Variants in IFRD1 observed in about 807,000 individuals in gnomAD.
The protein encoded by IFRD1 is interferon-related developmental regulator 1.
Under a neutral mutation model 52.9 loss-of-function variants are expected in IFRD1, and 35 were observed. That is an observed-to-expected ratio of 0.66 (90% CI 0.51 to 0.88). The LOEUF (loss-of-function observed/expected upper bound fraction) is 0.88, where lower values mean the gene tolerates loss of function less well. Ranked by LOEUF, IFRD1 falls within the 40% of genes least tolerant of loss-of-function variation. The pLI, the probability that IFRD1 is intolerant of heterozygous loss-of-function variation, is 0.00. For missense variants in IFRD1, 517 were observed against 550.8 expected (o/e 0.94, Z 0.61); for synonymous variants, 184 against 188.4 (o/e 0.98, Z 0.19).
chr7:112,453,077 G>A (rs1375800855), intron 1 of IFRD1, among the ~76,000 whole-genome samples: 2 of 152,176 alleles, frequency 1.3e-5, no homozygotes, highest in East Asian at 1.9e-4. Context: ...TACTTAACAA[G>A]CCACTTACCT....
In IFRD1 at chr7:112,462,315, C is replaced by T. The variant is rs1485201822; in HGVS notation, c.843C>T (p.Asn281=). 1.2e-6 allele frequency: 2 copies of T among 1,613,648 alleles called. No individual in the cohort carries two copies. The highest frequency in any genetic ancestry group is 3.3e-5 in the Admixed American group (2 of 59,916). Reference sequence around the variant, plus strand: ...GCCTCCTCTCTTGTGATGATGTAAACATGAGAATAGCTGCTGGTGAATCTT... The same window carrying T: ...GCCTCCTCTCTTGTGATGATGTAAATATGAGAATAGCTGCTGGTGAATCTT... ...LPSLLSCDDV[N]MRIAAGESLA... Residue 281 remains asparagine (N), a synonymous_variant, in exon 8 of 12, where the codon AAC becomes AAT. Coordinates refer to ENST00000403825, the MANE Select transcript of IFRD1 (RefSeq NM_001550.4).
intron 8 of IFRD1, among the ~76,000 whole-genome samples, chr7:112,464,084 T>G (rs1207141981): frequency 2.0e-5 from 3 of 149,740 alleles, no homozygotes; most frequent in African/African-American, 4.9e-5. Flanking sequence ...GGGTGCTGGT[T>G]GGGGGATAGT....
chr7:112,472,452 C>A, intron 10 of IFRD1, 105 bp downstream of exon 10: 1 of 1,228,492 alleles, frequency 8.1e-7, no homozygotes, highest in Non-Finnish European at 1.2e-6. Flanking sequence ...AGAGTGCTTC[C>A]ACATGTTAGA....
chr7:112,475,711 A>G lies in IFRD1; in HGVS notation c.*192A>G, dbSNP rs1247725429. 1 of 546,436 alleles carries G rather than the reference A, an allele frequency of 1.8e-6. No homozygotes were observed. The highest frequency in any genetic ancestry group is 3.2e-6 in the Non-Finnish European group (1 of 311,616). The allele number at this position is 546,436 out of a possible 1,614,324, so 33.8% of individuals were successfully genotyped here. A position where few individuals can be genotyped will look rare whatever the true frequency, so the allele number is the denominator to read the frequency against. ...GATTATTAAATATTCTCTGTAAATC[A>G]GTAAACATGTATAAAGTATTTGTAA... On this transcript the variant is annotated 3_prime_UTR_variant, in exon 12 of 12. Coordinates refer to ENST00000403825, the MANE Select transcript of IFRD1 (RefSeq NM_001550.4).
intron 8 of IFRD1, among the ~76,000 whole-genome samples, chr7:112,463,856 A>ATT (rs1795531670): frequency 1.2e-4 from 1 of 8,174 alleles, no homozygotes; most frequent in African/African-American, 1.2e-3. Context: ...ATTTATATAC[A>ATT]CACACACACA....
rs181336378 is a variant in IFRD1, at chr7:112,451,971, G to T, written c.94+1189G>T. ...GGCATTTAAAAAAGCTCAAAAACTC[G>T]TGATCATGTATTAAACATTTAATAA... On this transcript the variant is annotated intron_variant, in intron 1 of 11. Coordinates refer to ENST00000403825, the MANE Select transcript of IFRD1 (RefSeq NM_001550.4). The T allele has an allele frequency of 5.1e-5, 50 of 979,626 alleles. No homozygotes were observed. The African/African-American group carries it at 8.4e-4, about 16-fold the overall frequency. The allele number at this position is 979,626 out of a possible 1,614,324, so 60.7% of individuals were successfully genotyped here. A position where few individuals can be genotyped will look rare whatever the true frequency, so the allele number is the denominator to read the frequency against.
At chr7:112,456,800 T>C in intron 3 of IFRD1, 114 bp from the exon 4 acceptor site, 1 of 955,092 alleles carries the variant, frequency 1.0e-6, no homozygotes, top group South Asian at 1.4e-5. Context: ...TTGATGAGAA[T>C]TAGATTTAAA....
intron 1 of IFRD1, among the ~76,000 whole-genome samples, chr7:112,436,172 G>A (rs1433253032): frequency 2.6e-5 from 4 of 152,098 alleles, no homozygotes; most frequent in African/African-American, 4.8e-5. Context: ...GTGAGCCACC[G>A]TGCCAGTCCG....
chr7:112,429,262 C>T (rs1313351782), intron 1 of IFRD1, among the ~76,000 whole-genome samples: 1 of 152,156 alleles, frequency 6.6e-6, no homozygotes, highest in Admixed American at 6.6e-5. Context: ...ATGTCTTGTA[C>T]CTAAAGAAAC....
At chr7:112,461,605 A>G (rs1445856292) in intron 5 of IFRD1, 1 of 245,722 alleles carries the variant, frequency 4.1e-6, no homozygotes, top group African/African-American at 2.3e-5. Context: ...TTTATGGATC[A>G]ATAAAAGAAG....
At chr7:112,433,800 T>G (rs958238347) in intron 1 of IFRD1, among the ~76,000 whole-genome samples, 1 of 152,064 alleles carries the variant, frequency 6.6e-6, no homozygotes, top group African/African-American at 2.4e-5. Context: ...ATAATTTTTG[T>G]AAAGGCAGTT....
At chr7:112,470,882 T>C (rs1379324128) in intron 9 of IFRD1, among the ~76,000 whole-genome samples, 1 of 152,248 alleles carries the variant, frequency 6.6e-6, no homozygotes, top group East Asian at 1.9e-4. Context: ...TTGCAATTTT[T>C]TTCTGAATAT....
At chr7:112,445,062 CTTTTT>C (rs3057810) in intron 1 of IFRD1, among the ~76,000 whole-genome samples, 51 of 102,602 alleles carry the variant, frequency 5.0e-4, no homozygotes, top group African/African-American at 1.7e-3. Context: ...CCTAGGCTTT[CTTTTT>C]TTTTTTTTTT....
chr7:112,450,874 C>G (rs1584484482), intron 1 of IFRD1, 92 bp downstream of exon 1: 2 of 869,068 alleles, frequency 2.3e-6, no homozygotes, highest in Admixed American at 1.9e-5. Context: ...AGTTCTTTCT[C>G]TGATGTACAC....
At position 112,468,035 on chromosome 7, in the gene IFRD1, A is replaced by G; in HGVS notation, c.961A>G (p.Thr321Ala). Residue 321 changes from threonine to alanine, a missense_variant, in exon 9 of 12, where the codon ACA (threonine) becomes GCA (alanine). Thr to Ala is a moderately conservative substitution (Grantham distance 58). Transcript: ENST00000403825. The stretch of plus-strand genomic sequence containing the variant: ...GACGCAGATGCTTAGGGCCTTGGCA[A>G]CAGATGGAAATAAACACCGGGCCAA... ...SLTQMLRALA[T>A]DGNKHRAKVD... The G allele has an allele frequency of 1.9e-6, 3 of 1,614,130 alleles. No homozygotes were observed. Among genetic ancestry groups the G allele is most frequent in the Non-Finnish European group, 2.5e-6 (3 of 1,179,982 alleles).
At chr7:112,472,639 A>G in intron 10 of IFRD1, 127 bp from the exon 11 acceptor site, 1 of 765,534 alleles carries the variant, frequency 1.3e-6, no homozygotes, top group South Asian at 1.5e-5. Flanking sequence ...ATTGAGAAAC[A>G]GAAAATAAGT....
rs540723869 is a variant in IFRD1, at chr7:112,475,642, T to G, written c.*123T>G. ...ATAACTTTTGTAGCAGTGGTTATAT[T>G]GCTTATAATTTAATGTACAATACTA... is the stretch of plus-strand genomic sequence containing the variant. On this transcript the variant is annotated 3_prime_UTR_variant, in exon 12 of 12. Transcript: ENST00000403825. 6 of 668,458 alleles carry G rather than the reference T, an allele frequency of 9.0e-6. No individual in the cohort carries two copies. 41.4% of individuals were successfully genotyped at this position (668,458 alleles called of 1,614,324 possible).
intron 1 of IFRD1, among the ~76,000 whole-genome samples, chr7:112,454,949 G>GTCTGCCTCCGAGGCTCAAGCGATTCT (rs1795252024): frequency 7.2e-6 from 1 of 138,150 alleles, no homozygotes; most frequent in South Asian, 2.4e-4. Context: ...TCACTGCAAC[G>GTCTGCCTCCGAGGCTCAAGCGATTCT]TCTGCCTCCG....
upstream of IFRD1, among the ~76,000 whole-genome samples, chr7:112,449,842 T>TGGGGGG (rs1795108391): frequency 2.2e-5 from 1 of 45,780 alleles, no homozygotes; most frequent in Non-Finnish European, 4.6e-5. Context: ...GGGGGGGGGA[T>TGGGGGG]GGGGGGCACA....
Sources: gnomAD v4.1 joint callset for allele counts (sites outside exome capture counted in the v4.1 genomes callset) on GRCh38, gnomAD v4.1.1 for gene constraint, MANE v1.5 for transcripts, NCBI Gene and HGNC (gene_info 2026-07-23, HGNC 2026-07-21) for gene names.